Variants in ANK3 observed in about 807,000 individuals in gnomAD.
The protein encoded by ANK3 is ankyrin 3, also known as ankyrin-3.
ANK3 carries 57 observed loss-of-function variants against 370.9 expected under a neutral mutation model. That is an observed-to-expected ratio of 0.15 (90% CI 0.12 to 0.19). ANK3 has a LOEUF of 0.19. Ranked by LOEUF, ANK3 falls within the 10% of genes least tolerant of loss-of-function variation. The probability of loss-of-function intolerance (pLI) is 1.00; values close to 1 mark genes in which losing one functional copy is unlikely to be tolerated. For synonymous variants in ANK3, 1,929 were observed against 1,946.3 expected (o/e 0.99, Z 0.23); for missense variants, 4,439 against 5,302.1 (o/e 0.84, Z 5.06).
intron 7 of ANK3, among the ~76,000 whole-genome samples, chr10:60,238,709 A>G (rs563609490): frequency 6.6e-6 from 1 of 152,092 alleles, no homozygotes; most frequent in Non-Finnish European, 1.5e-5. Flanking sequence ...GCAGAAAGCA[A>G]TGGCAGCCTT....
intron 2 of ANK3, among the ~76,000 whole-genome samples, chr10:60,524,398 C>T (rs2076420926): frequency 6.6e-6 from 1 of 152,092 alleles, no homozygotes; most frequent in Non-Finnish European, 1.5e-5. Flanking sequence ...CCATAAGTCC[C>T]ACAAGTTGTG....
At chr10:60,469,020 CCACTTTTAGTGTATATAT>C (rs2065084932) in intron 2 of ANK3, among the ~76,000 whole-genome samples, 1 of 26,206 alleles carries the variant, frequency 3.8e-5, no homozygotes, top group African/African-American at 1.4e-4. Context: ...TATATATATA[CCACTTTTAGTGTATATAT>C]ATATATATAT....
At chr10:60,645,592 G>T (rs886160858) in intron 1 of ANK3, among the ~76,000 whole-genome samples, 1 of 152,176 alleles carries the variant, frequency 6.6e-6, no homozygotes, top group East Asian at 1.9e-4. Context: ...GGCCATGGTG[G>T]TGGGTGCCTG....
chr10:60,210,384 C>T (rs1245998338), intron 9 of ANK3, among the ~76,000 whole-genome samples: 7 of 152,000 alleles, frequency 4.6e-5, no homozygotes, highest in East Asian at 1.9e-4. Context: ...GAAGAATATA[C>T]GGGGACCACA....
chr10:60,395,647 TCTC>T, intron 2 of ANK3, among the ~76,000 whole-genome samples: 1 of 150,972 alleles, frequency 6.6e-6, no homozygotes, highest in South Asian at 2.1e-4. Flanking sequence ...TCTCTCTCTC[TCTC>T]TTTCTTTCTT....
At chr10:60,244,898 G>A (rs1036767670) in intron 7 of ANK3, among the ~76,000 whole-genome samples, 1 of 152,258 alleles carries the variant, frequency 6.6e-6, no homozygotes, top group East Asian at 1.9e-4. Context: ...GGCCGGGCGC[G>A]GTGGCTCACG....
At position 60,254,358 on chromosome 10, in the gene ANK3, A is replaced by G. The variant is rs146675067; in HGVS notation, c.798+7501T>C. The stretch of plus-strand genomic sequence containing the variant: ...TGCAAATGCATCACTACACAAACCA[A>G]AGTAGAGTCTCCAAAAGCCCTACAC... On this transcript the variant is annotated intron_variant, in intron 7 of 43. Coordinates refer to ENST00000280772, the MANE Select transcript of ANK3 (RefSeq NM_020987.5). 5.9e-5 allele frequency among the ~76,000 whole-genome samples: 9 copies of G among 152,154 alleles called. No homozygotes were observed. The East Asian group carries it at 1.7e-3, about 29-fold the overall frequency.
At chr10:60,620,542 C>T (rs556710701) in intron 1 of ANK3, among the ~76,000 whole-genome samples, 5 of 152,254 alleles carry the variant, frequency 3.3e-5, no homozygotes, top group South Asian at 4.1e-4. Context: ...TATATCTGAA[C>T]CCAGGTTGAG....
At chr10:60,693,262 G>C (rs566431499) in intron 1 of ANK3, among the ~76,000 whole-genome samples, 1 of 152,236 alleles carries the variant, frequency 6.6e-6, no homozygotes, top group Admixed American at 6.5e-5. Context: ...CTAAGCCCAC[G>C]GAGTCTCGCT....
At chr10:60,132,990 G>A (rs1292486189) in intron 25 of ANK3, among the ~76,000 whole-genome samples, 1 of 152,118 alleles carries the variant, frequency 6.6e-6, no homozygotes, top group Admixed American at 6.6e-5. Flanking sequence ...TGTAAGGCCT[G>A]CTTATTAAGA....
chr10:60,285,865 C>T (rs1050393775), intron 1 of ANK3, among the ~76,000 whole-genome samples: 9 of 152,038 alleles, frequency 5.9e-5, no homozygotes, highest in African/African-American at 1.2e-4. Context: ...TTTAAATATC[C>T]GAAGATTATC....
chr10:60,342,115 A>C (rs941880818), intron 1 of ANK3, among the ~76,000 whole-genome samples: 4 of 152,162 alleles, frequency 2.6e-5, no homozygotes, highest in African/African-American at 9.7e-5. Flanking sequence ...GTGCTTGCCT[A>C]GACTTTGCAG....
chr10:60,098,952 T>C (rs2090673019), intron 28 of ANK3, among the ~76,000 whole-genome samples: 1 of 152,218 alleles, frequency 6.6e-6, no homozygotes, highest in Non-Finnish European at 1.5e-5. Context: ...TCTATTAATA[T>C]AATTTCTGAC....
At chr10:60,674,153 A>G (rs1364656912) in intron 1 of ANK3, among the ~76,000 whole-genome samples, 1 of 152,186 alleles carries the variant, frequency 6.6e-6, no homozygotes, top group Non-Finnish European at 1.5e-5. Flanking sequence ...TCTTCATTCC[A>G]ATAATTTTTT....
chr10:60,606,016 C>T (rs1024707585), intron 2 of ANK3, among the ~76,000 whole-genome samples: 3 of 151,990 alleles, frequency 2.0e-5, no homozygotes, highest in Admixed American at 2.0e-4. Context: ...TAATTTATTT[C>T]TGTCTATAAA....
intron 41 of ANK3, among the ~76,000 whole-genome samples, chr10:60,057,069 C>T (rs1397486701): frequency 1.3e-5 from 2 of 152,134 alleles, no homozygotes; most frequent in African/African-American, 2.4e-5. Flanking sequence ...CCAAGTACCC[C>T]AAATTCCAAT....
chr10:60,497,474 C>T (rs895556261), intron 2 of ANK3, among the ~76,000 whole-genome samples: 4 of 152,278 alleles, frequency 2.6e-5, no homozygotes, highest in East Asian at 1.9e-4. Flanking sequence ...CATGTATTCA[C>T]ACTTTGTACT....
intron 2 of ANK3, among the ~76,000 whole-genome samples, chr10:60,534,182 A>G (rs1050429284): frequency 2.0e-5 from 3 of 152,170 alleles, no homozygotes; most frequent in African/African-American, 7.2e-5. Context: ...TGGTTCCCCA[A>G]ATTCACGGAT....
intron 2 of ANK3, among the ~76,000 whole-genome samples, chr10:60,460,929 G>T (rs1294956731): frequency 6.6e-6 from 1 of 152,144 alleles, no homozygotes; most frequent in Non-Finnish European, 1.5e-5. Flanking sequence ...AGAAGTTTGA[G>T]TAATTCTGTT....
Sources: gnomAD v4.1 joint callset for allele counts (sites outside exome capture counted in the v4.1 genomes callset) on GRCh38, gnomAD v4.1.1 for gene constraint, MANE v1.5 for transcripts, NCBI Gene and HGNC (gene_info 2026-07-23, HGNC 2026-07-21) for gene names.